CCDC178: variants seen among roughly 807,000 people sequenced by gnomAD.
The protein encoded by CCDC178 is coiled-coil domain-containing protein 178.
CCDC178 carries 126 observed loss-of-function variants against 117.4 expected under a neutral mutation model. That is an observed-to-expected ratio of 1.07 (90% CI 0.93 to 1.24). CCDC178 has a LOEUF of 1.24. Ranked by LOEUF, CCDC178 falls within the 50% of genes most tolerant of loss-of-function variation. The pLI is 0.00. For missense variants in CCDC178, 1,030 were observed against 986.9 expected, an observed-to-expected ratio of 1.04 and a Z score of -0.59; for synonymous variants, 283 against 313.4, an observed-to-expected ratio of 0.90 and a Z score of 1.02.
At chr18:32,988,015 T>G (rs2055300214) in intron 21 of CCDC178, among the ~76,000 whole-genome samples, 1 of 151,098 alleles carries the variant, frequency 6.6e-6, no homozygotes, top group Non-Finnish European at 1.5e-5. Context: ...AGGCAGAGGT[T>G]GCAGTGAGCG....
chr18:32,952,406 C>A (rs1305553896), intron 22 of CCDC178, among the ~76,000 whole-genome samples: 1 of 152,216 alleles, frequency 6.6e-6, no homozygotes, highest in African/African-American at 2.4e-5. Flanking sequence ...CATGTGTAGG[C>A]CACCAAGGCT....
intron 21 of CCDC178, among the ~76,000 whole-genome samples, chr18:32,994,236 C>G (rs940840331): frequency 1.3e-5 from 2 of 152,090 alleles, no homozygotes; most frequent in African/African-American, 2.4e-5. Flanking sequence ...AAACTTACTG[C>G]CATTACTTGA....
intron 21 of CCDC178, among the ~76,000 whole-genome samples, chr18:33,066,032 T>G (rs1040211169): frequency 2.8e-4 from 43 of 151,874 alleles, no homozygotes; most frequent in Non-Finnish European, 2.8e-4. Context: ...TGGCTAATTT[T>G]TTGTATTTTT....
chr18:33,188,101 C>T (rs1381767797), intron 20 of CCDC178, among the ~76,000 whole-genome samples: 1 of 152,032 alleles, frequency 6.6e-6, no homozygotes, highest in African/African-American at 2.4e-5. Flanking sequence ...TAAAGAAATG[C>T]TGGAGTGTAG....
intron 22 of CCDC178, among the ~76,000 whole-genome samples, chr18:32,969,278 T>C (rs1382986164): frequency 1.3e-5 from 2 of 151,994 alleles, no homozygotes; most frequent in African/African-American, 4.8e-5. Flanking sequence ...CATAGGAACC[T>C]ACTAGGGGGA....
At chr18:33,026,166 T>C (rs78702805) in intron 21 of CCDC178, among the ~76,000 whole-genome samples, 3,950 of 152,200 alleles carry the variant, frequency 0.026, 76 homozygotes, top group Non-Finnish European at 0.042. Context: ...GAAAAAATTA[T>C]GCAAATGAAG....
intron 15 of CCDC178, among the ~76,000 whole-genome samples, chr18:33,231,464 A>T (rs1449006633): frequency 6.6e-6 from 1 of 152,232 alleles, no homozygotes; most frequent in African/African-American, 2.4e-5. Flanking sequence ...ATTTGCATGT[A>T]GACTATGCAT....
chr18:33,270,457 A>G (rs2059873929), intron 12 of CCDC178, among the ~76,000 whole-genome samples: 1 of 151,622 alleles, frequency 6.6e-6, no homozygotes. Context: ...TCAAACTGTC[A>G]AAAGTCAAAG....
intron 21 of CCDC178, among the ~76,000 whole-genome samples, chr18:33,008,372 C>T (rs551127889): frequency 1.3e-5 from 2 of 151,952 alleles, no homozygotes; most frequent in South Asian, 2.1e-4. Flanking sequence ...TGTAGTTTAC[C>T]CTCTCTCTTG....
chr18:33,115,117 T>C (rs1379369158), intron 20 of CCDC178, among the ~76,000 whole-genome samples: 1 of 152,070 alleles, frequency 6.6e-6, no homozygotes, highest in Non-Finnish European at 1.5e-5. Flanking sequence ...TTCTTATTAA[T>C]GCTATTCTTC....
intron 21 of CCDC178, among the ~76,000 whole-genome samples, chr18:33,055,453 C>T (rs909090070): frequency 1.3e-4 from 19 of 151,668 alleles, no homozygotes; most frequent in African/African-American, 4.6e-4. Flanking sequence ...CCTCCCGCCT[C>T]AGCCTCCTGT....
intron 11 of CCDC178, among the ~76,000 whole-genome samples, chr18:33,299,616 T>C (rs1247332618): frequency 1.3e-5 from 2 of 150,222 alleles, no homozygotes; most frequent in Admixed American, 6.6e-5. Context: ...AAAGCATAAA[T>C]AAACAAATGG....
At chr18:33,107,493 CA>C (rs2145120589) in intron 20 of CCDC178, among the ~76,000 whole-genome samples, 1 of 151,574 alleles carries the variant, frequency 6.6e-6, no homozygotes, top group South Asian at 2.1e-4. Context: ...ATAAAAATCC[CA>C]AAAGTCTAAA....
chr18:33,025,569 G>A (rs1263868465), intron 21 of CCDC178, among the ~76,000 whole-genome samples: 1 of 152,032 alleles, frequency 6.6e-6, no homozygotes, highest in Non-Finnish European at 1.5e-5. Flanking sequence ...GATCCTGTTA[G>A]AAAATAGACA....
rs1357989593 is a variant in CCDC178, at chr18:33,432,476, CAT to C, written c.-23+7484_-23+7485del. Among the ~76,000 whole-genome samples the C allele has an allele frequency of 2.1e-3, 182 of 85,262 alleles. 1 individual carries two copies. Among genetic ancestry groups the C allele is most frequent in the African/African-American group, 6.3e-3 (166 of 26,188 alleles). 55.9% of individuals were successfully genotyped at this position (85,262 alleles called of 152,430 possible). ...TAATATAATTCTCTCATGCCTTCTC[CAT>C]ACACACACACACACACACACACACA... On this transcript the variant is annotated intron_variant, in intron 2 of 22. Coordinates refer to ENST00000383096, the MANE Select transcript of CCDC178 (RefSeq NM_001105528.4).
At chr18:33,104,620 G>A (rs937118553) in intron 20 of CCDC178, among the ~76,000 whole-genome samples, 8 of 151,550 alleles carry the variant, frequency 5.3e-5, no homozygotes, top group Non-Finnish European at 3.0e-5. Flanking sequence ...ATAGAAATAC[G>A]TCAAAAAACT....
chr18:33,373,505 A>G (rs551841639), intron 5 of CCDC178, among the ~76,000 whole-genome samples: 73 of 152,308 alleles, frequency 4.8e-4, no homozygotes, highest in Middle Eastern at 3.4e-3. Context: ...GGCAGCTGCA[A>G]TATCCTCATC....
At position 33,053,225 on chromosome 18, in the gene CCDC178, C is replaced by T. The variant is rs571697205; in HGVS notation, c.2388+39536G>A. On this transcript the variant is annotated intron_variant, in intron 21 of 22. Transcript: ENST00000383096. Reference sequence around the variant, plus strand: ...TTCGATCCATAAAATAATCCATTTACACAGTCTACCTACTGAGATGGCTTT... The same window carrying T: ...TTCGATCCATAAAATAATCCATTTATACAGTCTACCTACTGAGATGGCTTT... Among the ~76,000 whole-genome samples, 6 of 152,238 alleles carry T rather than the reference C, an allele frequency of 3.9e-5. No homozygotes were observed. In the South Asian group the frequency reaches 1.2e-3, roughly 32 times the overall value.
rs1205443998 is a variant in CCDC178, at chr18:33,329,950, C to CTT, written c.879+3222_879+3223dup. ...ACTAGTGAATCCACTTGGTCCTGGGCTTTTTTTTTTTTTTTTTTTGGTGGA... is the reference window on the plus strand; with the variant it reads ...ACTAGTGAATCCACTTGGTCCTGGGCTTTTTTTTTTTTTTTTTTTTTGGTGGA... On this transcript the variant is annotated intron_variant, in intron 10 of 22. Transcript: ENST00000383096. Among the ~76,000 whole-genome samples, 443 of 64,484 alleles carry CTT rather than the reference C, an allele frequency of 6.9e-3. 12 individuals are homozygous for CTT. Among genetic ancestry groups the CTT allele is most frequent in the African/African-American group, 0.025 (409 of 16,376 alleles). 42.3% of individuals were successfully genotyped at this position (64,484 alleles called of 152,430 possible). A position where few individuals can be genotyped will look rare whatever the true frequency, so the allele number is the denominator to read the frequency against.
Sources: gnomAD v4.1 joint callset for allele counts (sites outside exome capture counted in the v4.1 genomes callset) on GRCh38, gnomAD v4.1.1 for gene constraint, MANE v1.5 for transcripts, NCBI Gene and HGNC (gene_info 2026-07-23, HGNC 2026-07-21) for gene names.